The following TDRD3 variants were observed in gnomAD, a reference collection of about 807,000 sequenced individuals.
TDRD3 encodes the protein tudor domain-containing protein 3.
A neutral mutation model predicts 86.7 loss-of-function variants in TDRD3; 45 were observed. The observed-to-expected ratio is 0.52, with a 90% CI of 0.41 to 0.67. The LOEUF (loss-of-function observed/expected upper bound fraction) is 0.67. Ranked by LOEUF, TDRD3 falls within the 30% of genes least tolerant of loss-of-function variation. The pLI is 0.00. For synonymous variants in TDRD3, 298 were observed against 301.7 expected (o/e 0.99, Z 0.13); for missense variants, 814 against 889.0 (o/e 0.92, Z 1.07).
chr13:60,571,993 C>T (rs1369396282), intron 13 of TDRD3, among the ~76,000 whole-genome samples: 1 of 152,162 alleles, frequency 6.6e-6, no homozygotes, highest in Non-Finnish European at 1.5e-5. Flanking sequence ...ACTGTTAAGA[C>T]AGCTTGGAAA....
intron 8 of TDRD3, among the ~76,000 whole-genome samples, chr13:60,500,588 G>A (rs539853014): frequency 2.7e-5 from 4 of 150,282 alleles, no homozygotes; most frequent in Non-Finnish European, 5.9e-5. Flanking sequence ...CTTCCCAGTG[G>A]GCAGAACTTC....
chr13:60,496,288 CATATATATATATATATATATATATATAT>C (rs56211733), intron 8 of TDRD3, among the ~76,000 whole-genome samples: 755 of 61,260 alleles, frequency 0.012, 58 homozygotes, highest in South Asian at 0.042. Flanking sequence ...AACAAACTCC[CATATATATATATATATATATATATATAT>C]ATATATATAT....
rs112298127 is a variant in TDRD3, at chr13:60,426,805, G to A, written c.42-12883G>A. ...TGTCATTCATCACTTTATGGGGTAT[G>A]TTCTAGAAATGTGTTCTCAAGCAAC... is the stretch of plus-strand genomic sequence containing the variant. On this transcript the variant is annotated intron_variant, in intron 1 of 13. Transcript: ENST00000377881. Among the ~76,000 whole-genome samples the A allele has an allele frequency of 2.4e-4, 37 of 152,318 alleles. 1 individual carries two copies. The highest frequency in any genetic ancestry group is 8.9e-4 in the African/African-American group (37 of 41,578).
intron 2 of TDRD3, among the ~76,000 whole-genome samples, chr13:60,442,284 T>G (rs1036115281): frequency 1.3e-5 from 2 of 152,124 alleles, no homozygotes; most frequent in Non-Finnish European, 2.9e-5. Flanking sequence ...ACAAATTATA[T>G]TTTTATTTCT....
At chr13:60,478,442 T>A (rs1956240107) in intron 5 of TDRD3, among the ~76,000 whole-genome samples, 1 of 151,380 alleles carries the variant, frequency 6.6e-6, no homozygotes, top group Non-Finnish European at 1.5e-5. Context: ...GTAGCTGGGG[T>A]TGCAAGCCCG....
rs144439295 is a variant in TDRD3, at chr13:60,529,121, G to A, written c.1896G>A (p.Lys632=). Residue 632 remains lysine, a synonymous_variant, in exon 11 of 14, where the codon AAG becomes AAA. Transcript: ENST00000377881. ...CCAAACGAAGATCTGGGCCAATTAA[G>A]CCAGAAAAAATACTAGAATCATCTA... ...SGPKRRSGPI[K]PEKILESSIP... 1,060 of 1,613,850 alleles carry A rather than the reference G, an allele frequency of 6.6e-4. 4 individuals are homozygous for A. The African/African-American group carries it at 0.013, about 19-fold the overall frequency.
intron 3 of TDRD3, among the ~76,000 whole-genome samples, chr13:60,446,635 T>C (rs1287307688): frequency 1.3e-5 from 2 of 152,136 alleles, no homozygotes; most frequent in African/African-American, 4.8e-5. Flanking sequence ...ATAATTTAAA[T>C]AAACATTTTA....
rs558482737 is a variant in TDRD3, at chr13:60,403,108, C to T, written c.41+5703C>T. 2.7e-5 allele frequency among the ~76,000 whole-genome samples: 4 copies of T among 150,348 alleles called. No individual in the cohort carries two copies. In the South Asian group the frequency reaches 8.5e-4, roughly 32 times the overall value. ...TGTTTTGTTAAACTGTGCAAGTGTT[C>T]AGGTTTCAAGGTGCTGTTTGCAGTG... On this transcript the variant is annotated intron_variant, in intron 1 of 13. Transcript: ENST00000377881.
At chr13:60,531,059 G>C (rs1957571916) in intron 11 of TDRD3, among the ~76,000 whole-genome samples, 1 of 152,100 alleles carries the variant, frequency 6.6e-6, no homozygotes, top group Non-Finnish European at 1.5e-5. Context: ...TGTGTGACTG[G>C]GATGATGATT....
chr13:60,467,299 T>C lies in TDRD3; in HGVS notation c.415T>C (p.Phe139Leu). 1 of 1,613,932 alleles carries C rather than the reference T, an allele frequency of 6.2e-7. No individual in the cohort carries two copies. Among genetic ancestry groups the C allele is most frequent in the East Asian group, 2.2e-5 (1 of 44,878 alleles). The change falls in exon 5 of 14, where the codon TTC (phenylalanine) becomes CTC (leucine). Residue 139 changes from phenylalanine (F) to leucine (L), a missense_variant. Phe to Leu is a conservative substitution (Grantham distance 22, BLOSUM62 0). Coordinates refer to ENST00000377881, the MANE Select transcript of TDRD3 (RefSeq NM_001146070.2). ...AGGCATTGTTGACATAAAAAATGGA[T>C]TCCTGCTCTTGAATGACTCTAACAC... ...LSGIVDIKNG[F>L]LLLNDSNTTV...
intron 5 of TDRD3, among the ~76,000 whole-genome samples, chr13:60,478,836 C>T (rs1468787572): frequency 3.8e-5 from 5 of 132,990 alleles, no homozygotes; most frequent in Non-Finnish European, 7.8e-5. Flanking sequence ...TGGAGTCTCA[C>T]TGTGTCATCC....
At chr13:60,504,456 T>C (rs908159097) in intron 8 of TDRD3, among the ~76,000 whole-genome samples, 3 of 152,224 alleles carry the variant, frequency 2.0e-5, no homozygotes, top group Non-Finnish European at 4.4e-5. Context: ...GCAGGCAGTT[T>C]ACAACCTTAA....
At chr13:60,456,209 T>C (rs1955666721) in intron 3 of TDRD3, among the ~76,000 whole-genome samples, 1 of 152,206 alleles carries the variant, frequency 6.6e-6, no homozygotes, top group African/African-American at 2.4e-5. Context: ...TAGTCCCCTG[T>C]CATCCAAACT....
chr13:60,410,601 C>T (rs1566171231), intron 1 of TDRD3, among the ~76,000 whole-genome samples: 1 of 152,160 alleles, frequency 6.6e-6, no homozygotes, highest in Non-Finnish European at 1.5e-5. Context: ...ACGATCTTTT[C>T]TCTAGGCTGC....
At chr13:60,544,240 G>C (rs1957884121) in intron 12 of TDRD3, among the ~76,000 whole-genome samples, 1 of 151,836 alleles carries the variant, frequency 6.6e-6, no homozygotes, top group Non-Finnish European at 1.5e-5. Context: ...TTTGAGACCA[G>C]CTTGGGCAAA....
intron 1 of TDRD3, among the ~76,000 whole-genome samples, chr13:60,402,532 A>G (rs767804125): frequency 1.3e-5 from 2 of 152,188 alleles, no homozygotes; most frequent in Non-Finnish European, 2.9e-5. Context: ...TAAAATCTAG[A>G]ATTATGATAT....
chr13:60,558,950 CAA>C (rs1958267318), intron 12 of TDRD3, among the ~76,000 whole-genome samples: 1 of 146,946 alleles, frequency 6.8e-6, no homozygotes, highest in African/African-American at 2.5e-5. Flanking sequence ...CATTTTTTTC[CAA>C]AGACATTTTT....
intron 3 of TDRD3, among the ~76,000 whole-genome samples, chr13:60,453,041 T>C (rs1440759443): frequency 6.6e-6 from 1 of 152,170 alleles, no homozygotes; most frequent in Non-Finnish European, 1.5e-5. Context: ...TTTCCTCAAC[T>C]TCTTAGTTCA....
intron 1 of TDRD3, among the ~76,000 whole-genome samples, chr13:60,413,075 T>A (rs143298497): frequency 1.8e-4 from 27 of 151,798 alleles, no homozygotes; most frequent in African/African-American, 6.5e-4. Flanking sequence ...GTACCCAATA[T>A]ATATGAACTA....
Sources: gnomAD v4.1 joint callset for allele counts (sites outside exome capture counted in the v4.1 genomes callset) on GRCh38, gnomAD v4.1.1 for gene constraint, MANE v1.5 for transcripts, NCBI Gene and HGNC (gene_info 2026-07-23, HGNC 2026-07-21) for gene names.